NOL4: variants seen among roughly 807,000 people sequenced by gnomAD.
NOL4 encodes cancer/testis antigen 125.
Under a neutral mutation model 75.9 loss-of-function variants are expected in NOL4, and 17 were observed. The observed-to-expected ratio is 0.22, with a 90% CI of 0.15 to 0.34. NOL4 has a LOEUF of 0.34. NOL4 is among the 10% of genes least tolerant of loss of function. The pLI, the probability that NOL4 is intolerant of heterozygous loss-of-function variation, is 1.00. For synonymous variants in NOL4, 292 were observed against 289.9 expected, an observed-to-expected ratio of 1.01 and a Z score of -0.07; for missense variants, 614 against 793.5, an observed-to-expected ratio of 0.77 and a Z score of 2.72.
intron 5 of NOL4, among the ~76,000 whole-genome samples, chr18:34,042,833 A>G (rs1016469447): frequency 3.3e-5 from 5 of 152,082 alleles, no homozygotes; most frequent in African/African-American, 7.2e-5. Context: ...ATCTTGCACT[A>G]ATCTTCATCA....
intron 6 of NOL4, among the ~76,000 whole-genome samples, chr18:34,010,652 T>C (rs2074319868): frequency 3.9e-5 from 6 of 151,924 alleles, no homozygotes; most frequent in Admixed American, 3.9e-4. Context: ...AGTGGTTGTT[T>C]TAATTTACTT....
At chr18:34,047,504 C>A (rs1218968465) in intron 5 of NOL4, among the ~76,000 whole-genome samples, 1 of 151,600 alleles carries the variant, frequency 6.6e-6, no homozygotes, top group East Asian at 1.9e-4. Context: ...AGGGGAATAC[C>A]CATTGATAGT....
In NOL4 at chr18:34,123,606, C is replaced by T. The variant is rs1376684069; in HGVS notation, c.414+6265G>A. Among the ~76,000 whole-genome samples the T allele has an allele frequency of 6.5e-4, 89 of 137,348 alleles. 1 individual carries two copies. The highest frequency in any genetic ancestry group is 3.4e-4 in the Non-Finnish European group (22 of 63,864). 90.1% of individuals were successfully genotyped at this position (137,348 alleles called of 152,430 possible). Reference sequence around the variant, plus strand: ...GAATATATATAGAGAGATAGATCTACATCTTTCTATATTTATATCTATATA... The same window carrying T: ...GAATATATATAGAGAGATAGATCTATATCTTTCTATATTTATATCTATATA... On this transcript the variant is annotated intron_variant, in intron 2 of 10. Transcript: ENST00000261592.
At chr18:34,129,639 T>A (rs2080544440) in intron 2 of NOL4, among the ~76,000 whole-genome samples, 1 of 151,734 alleles carries the variant, frequency 6.6e-6, no homozygotes, top group Admixed American at 6.6e-5. Context: ...TACCACATAT[T>A]ATACATTTTT....
chr18:34,190,311 G>A (rs1055477518), intron 1 of NOL4, among the ~76,000 whole-genome samples: 5 of 151,802 alleles, frequency 3.3e-5, no homozygotes, highest in African/African-American at 7.3e-5. Flanking sequence ...GTAACAGATC[G>A]CATGCAAATA....
At chr18:33,903,012 A>G (rs1034173138) in intron 9 of NOL4, among the ~76,000 whole-genome samples, 11 of 152,150 alleles carry the variant, frequency 7.2e-5, no homozygotes, top group African/African-American at 2.4e-4. Context: ...ACATCCTCAA[A>G]ATAAAATTTT....
intron 1 of NOL4, among the ~76,000 whole-genome samples, chr18:34,142,250 A>T (rs2081201189): frequency 6.6e-6 from 1 of 152,210 alleles, no homozygotes; most frequent in Non-Finnish European, 1.5e-5. Flanking sequence ...AAACTAGTTC[A>T]ACCACTGTGG....
intron 5 of NOL4, among the ~76,000 whole-genome samples, chr18:34,024,194 A>AAAAAAAATATAT: frequency 1.4e-5 from 1 of 70,698 alleles, no homozygotes; most frequent in Non-Finnish European, 3.1e-5. Context: ...AAAAAAAAAA[A>AAAAAAAATATAT]ATATATATAT....
chr18:33,888,532 T>C (rs140925882), intron 9 of NOL4, among the ~76,000 whole-genome samples: 2,575 of 152,264 alleles, frequency 0.017, 65 homozygotes, highest in African/African-American at 0.058. Context: ...GGTTTTCTTC[T>C]AGGGTTTTTA....
intron 5 of NOL4, among the ~76,000 whole-genome samples, chr18:34,026,187 C>T (rs1056376898): frequency 6.6e-6 from 1 of 152,056 alleles, no homozygotes; most frequent in African/African-American, 2.4e-5. Flanking sequence ...GTTTTCTTGC[C>T]TAGTGCCTTA....
intron 9 of NOL4, among the ~76,000 whole-genome samples, chr18:33,911,097 G>C (rs1049430628): frequency 4.0e-5 from 6 of 151,796 alleles, no homozygotes; most frequent in Non-Finnish European, 8.8e-5. Context: ...AGTTTTTGTT[G>C]GTTGACATAT....
At chr18:34,132,817 G>A (rs1159527159) in intron 1 of NOL4, among the ~76,000 whole-genome samples, 1 of 151,098 alleles carries the variant, frequency 6.6e-6, no homozygotes, top group Non-Finnish European at 1.5e-5. Context: ...AAAGCACCAG[G>A]AGATAAAAGA....
chr18:34,018,685 G>C (rs2074851466), intron 6 of NOL4, among the ~76,000 whole-genome samples: 1 of 152,024 alleles, frequency 6.6e-6, no homozygotes, highest in Non-Finnish European at 1.5e-5. Context: ...AGCTGGGAAT[G>C]GGAGAGGGTT....
chr18:34,048,177 A>C (rs2076466599), intron 5 of NOL4, among the ~76,000 whole-genome samples: 1 of 152,130 alleles, frequency 6.6e-6, no homozygotes, highest in African/African-American at 2.4e-5. Flanking sequence ...AATAAATTAA[A>C]TGCCAAAAGC....
intron 1 of NOL4, among the ~76,000 whole-genome samples, chr18:34,203,689 T>TCC (rs2035902555): frequency 2.3e-3 from 170 of 73,244 alleles, no homozygotes; most frequent in Non-Finnish European, 3.9e-3. Flanking sequence ...TCTCTCCCTC[T>TCC]CTCTCTCTCT....
chr18:34,150,704 A>C (rs1283619784), intron 1 of NOL4, among the ~76,000 whole-genome samples: 1 of 151,804 alleles, frequency 6.6e-6, no homozygotes, highest in Admixed American at 6.6e-5. Context: ...TTTAGATACA[A>C]CACCAAAGTC....
intron 9 of NOL4, among the ~76,000 whole-genome samples, chr18:33,919,697 A>T (rs192199684): frequency 8.3e-4 from 127 of 152,316 alleles, no homozygotes; most frequent in African/African-American, 3.0e-3. Context: ...CTTCATCATC[A>T]TTAAGAAGTG....
chr18:33,957,195 A>T, intron 8 of NOL4, 131 bp downstream of exon 8: 1 of 667,434 alleles, frequency 1.5e-6, no homozygotes, highest in Non-Finnish European at 2.4e-6. Flanking sequence ...CAAACGAGCA[A>T]ACAAAACCCC....
intron 2 of NOL4, among the ~76,000 whole-genome samples, chr18:34,124,730 C>T (rs1312255965): frequency 6.6e-6 from 1 of 151,998 alleles, no homozygotes; most frequent in Non-Finnish European, 1.5e-5. Flanking sequence ...CATGGTGAAA[C>T]CCCATCTCTA....
Sources: allele counts gnomAD v4.1 joint callset (sites outside exome capture counted in the v4.1 genomes callset), GRCh38; gene constraint gnomAD v4.1.1; transcripts MANE v1.5; gene names NCBI Gene and HGNC (gene_info 2026-07-23, HGNC 2026-07-21).